The following UNC80 variants were observed in gnomAD, a reference collection of about 807,000 sequenced individuals.
The protein encoded by UNC80 is unc-80 subunit of NALCN channel complex.
Under a neutral mutation model 384.6 loss-of-function variants are expected in UNC80, and 164 were observed. The observed-to-expected ratio is 0.43, with a 90% CI of 0.38 to 0.49. The LOEUF (loss-of-function observed/expected upper bound fraction) is 0.49, where lower values mean the gene tolerates loss of function less well. Among genes scored for constraint, UNC80 ranks in the 20% least tolerant of loss-of-function variants. The pLI is 0.00. For synonymous variants in UNC80, 1,486 were observed against 1,527.8 expected, an observed-to-expected ratio of 0.97 and a Z score of 0.64; for missense variants, 3,330 against 4,143.0, an observed-to-expected ratio of 0.80 and a Z score of 5.39.
At chr2:209,792,069 T>C (rs2077844118) in intron 6 of UNC80, among the ~76,000 whole-genome samples, 1 of 152,150 alleles carries the variant, frequency 6.6e-6, no homozygotes, top group South Asian at 2.1e-4. Flanking sequence ...TTTAGGAGGC[T>C]TAGGCAGGCA....
intron 52 of UNC80, 41 bp from the exon 53 acceptor site, chr2:209,969,727 A>T: frequency 6.5e-7 from 1 of 1,550,224 alleles, no homozygotes; most frequent in Non-Finnish European, 8.7e-7. Context: ...GACTCTCCAG[A>T]AGGGAGCCAA....
chr2:209,777,207 G>T, intron 3 of UNC80, 51 bp from the exon 4 acceptor site: 1 of 1,520,938 alleles, frequency 6.6e-7, no homozygotes, highest in Non-Finnish European at 8.8e-7. Context: ...GACATCTATT[G>T]CCCTGGTCAC....
intron 35 of UNC80, 89 bp downstream of exon 35, chr2:209,922,472 T>C: frequency 1.5e-6 from 2 of 1,321,246 alleles, no homozygotes; most frequent in Non-Finnish European, 2.0e-6. Flanking sequence ...TTGATTACAT[T>C]GTCTTCATTA....
chr2:209,951,143 C>A (rs2092159554), intron 47 of UNC80, among the ~76,000 whole-genome samples: 1 of 151,864 alleles, frequency 6.6e-6, no homozygotes, highest in South Asian at 2.1e-4. Flanking sequence ...ACACTCCAAC[C>A]TGGTCAACAG....
At chr2:209,868,827 C>G (rs578131187) in intron 22 of UNC80, among the ~76,000 whole-genome samples, 1 of 152,142 alleles carries the variant, frequency 6.6e-6, no homozygotes, top group Non-Finnish European at 1.5e-5. Flanking sequence ...TTAGAAATTT[C>G]ATAGGTTCAA....
intron 26 of UNC80, among the ~76,000 whole-genome samples, chr2:209,891,011 A>G (rs1402129139): frequency 6.6e-6 from 1 of 152,198 alleles, no homozygotes; most frequent in Non-Finnish European, 1.5e-5. Context: ...ACATCTGCAC[A>G]TTTGCTAGAA....
At chr2:209,859,843 G>C (rs749941204) in intron 22 of UNC80, among the ~76,000 whole-genome samples, 26 of 151,996 alleles carry the variant, frequency 1.7e-4, no homozygotes, top group Non-Finnish European at 3.1e-4. Context: ...AAAAGTGTCT[G>C]TTCATATCCT....
intron 16 of UNC80, among the ~76,000 whole-genome samples, chr2:209,832,976 T>C (rs2081089278): frequency 6.6e-6 from 1 of 152,184 alleles, no homozygotes; most frequent in Non-Finnish European, 1.5e-5. Context: ...TTTCACATAG[T>C]ACTCTTTGCT....
chr2:209,838,420 C>G (rs994057938), intron 18 of UNC80, among the ~76,000 whole-genome samples: 2 of 152,094 alleles, frequency 1.3e-5, no homozygotes, highest in African/African-American at 4.8e-5. Context: ...ATGCCCTACT[C>G]AAAAATCCCC....
chr2:209,923,378 G>A (rs918120709), intron 35 of UNC80, among the ~76,000 whole-genome samples: 2 of 152,080 alleles, frequency 1.3e-5, no homozygotes, highest in Non-Finnish European at 2.9e-5. Context: ...ATTTAGGTGT[G>A]TAATCAACTT....
rs12694190 is a variant in UNC80, at chr2:209,872,024, G to A, written c.3628-734G>A. Among the ~76,000 whole-genome samples, 26,769 of 151,218 alleles carry A rather than the reference G, an allele frequency of 0.18. 3,296 individuals carry two copies. Among genetic ancestry groups the A allele is most frequent in the African/African-American group, 0.35 (14,279 of 41,258 alleles). The stretch of plus-strand genomic sequence containing the variant: ...ATTGAGCTTCCTTTTCTTTTTTGAG[G>A]TGGAGTCTCACTCTGTCTCCCAGGC... On this transcript the variant is annotated intron_variant, in intron 22 of 64. Transcript: ENST00000673920. This position sits in a 1 kb window ranked among gnomAD's most constrained non-coding sequence, Gnocchi z 4.1.
At chr2:209,808,528 A>AG (rs974118384) in intron 7 of UNC80, among the ~76,000 whole-genome samples, 4 of 150,792 alleles carry the variant, frequency 2.7e-5, no homozygotes, top group African/African-American at 9.7e-5. Flanking sequence ...CGCCACTAAA[A>AG]AAAAAAAAAA....
In UNC80 at chr2:209,904,655, C is replaced by T; in HGVS notation, c.4582-110C>T. ...TTATTGGACCATTGCGATTTCAAGA[C>T]ACATCCAGGGAAGCTGACATTCTGA... On this transcript the variant is annotated intron_variant, in intron 28 of 64. Transcript: ENST00000673920. The T allele has an allele frequency of 3.2e-6, 3 of 925,918 alleles. No individual in the cohort carries two copies. In the African/African-American group the frequency reaches 4.9e-5, roughly 15 times the overall value. The allele number at this position is 925,918 out of a possible 1,614,324, so 57.4% of individuals were successfully genotyped here.
chr2:209,808,767 T>TTCTCCGCTACTCAGCGACCTCGTTGCC, intron 7 of UNC80: 2 of 59,206 alleles, frequency 3.4e-5, no homozygotes, highest in Non-Finnish European at 2.9e-5. Context: ...CCTGCGCTAC[T>TTCTCCGCTACTCAGCGACCTCGTTGCC]TCTGCGCTAC....
chr2:209,817,802 T>C lies in UNC80; in HGVS notation c.1553-10T>C. 1 of 1,551,532 alleles carries C rather than the reference T, an allele frequency of 6.4e-7. No individual in the cohort carries two copies. The highest frequency in any genetic ancestry group is 8.7e-7 in the Non-Finnish European group (1 of 1,146,932). On this transcript the variant is annotated splice_polypyrimidine_tract_variant and intron_variant, in intron 10 of 64. Coordinates refer to ENST00000673920, the MANE Select transcript of UNC80 (RefSeq NM_001371986.1). ...AAAACCCTCTTGTGGGGTGCTCTTA[T>C]TCATCCCAGGGAAATTGACCCGGCG... is the stretch of plus-strand genomic sequence containing the variant.
intron 21 of UNC80, among the ~76,000 whole-genome samples, 156 bp downstream of exon 21, chr2:209,842,602 A>C (rs1410641067): frequency 6.6e-6 from 1 of 152,062 alleles, no homozygotes; most frequent in African/African-American, 2.4e-5. Flanking sequence ...CTGTTTTTGC[A>C]ATTTGATTCA....
rs1272289688 is a variant in UNC80 at position 209,939,591 on chromosome 2, C to A, written c.6585C>A (p.Arg2195=). 13 of 1,551,760 alleles carry A rather than the reference C, an allele frequency of 8.4e-6. No homozygotes were observed. Among genetic ancestry groups the A allele is most frequent in the African/African-American group, 1.4e-5 (1 of 73,024 alleles). The change falls in exon 43 of 65, where the codon CGC becomes CGA. Residue 2195 remains arginine (R), a synonymous_variant. Transcript: ENST00000673920. ...CCATGCTTCAGGAAGACCTCCTCCG[C>A]CTGCCCTCATTCCCTCGTAGTGCTA... ...HVSMLQEDLL[R]LPSFPRSAID... is the part of the protein sequence containing the mutation.
intron 56 of UNC80, among the ~76,000 whole-genome samples, chr2:209,974,979 C>A (rs530788604): frequency 2.6e-5 from 4 of 152,026 alleles, no homozygotes; most frequent in Non-Finnish European, 5.9e-5. Flanking sequence ...TAAGCAATTG[C>A]TGTGAAAAGT....
rs971394851 is a variant in UNC80, at chr2:209,996,488, T to G, written c.*893T>G. On this transcript the variant is annotated 3_prime_UTR_variant, in exon 65 of 65. Transcript: ENST00000673920. ...ACTTTTCCTTATAGTATCCTGTGCC[T>G]GCCCTGGAGGGCATATTTTCAGATA... is the stretch of plus-strand genomic sequence containing the variant. 8 of 152,262 alleles carry G rather than the reference T, an allele frequency of 5.3e-5. No individual in the cohort carries two copies. The highest frequency in any genetic ancestry group is 1.2e-4 in the Non-Finnish European group (8 of 68,038). The allele number at this position is 152,262 out of a possible 1,614,324, so 9.4% of individuals were successfully genotyped here. A position where few individuals can be genotyped will look rare whatever the true frequency, so the allele number is the denominator to read the frequency against.
Sources: allele counts gnomAD v4.1 joint callset (sites outside exome capture counted in the v4.1 genomes callset), GRCh38; gene constraint gnomAD v4.1.1; non-coding constraint Gnocchi (gnomAD v3.1); transcripts MANE v1.5; gene names NCBI Gene and HGNC (gene_info 2026-07-23, HGNC 2026-07-21).